Variants in SRRM3 observed in about 807,000 individuals in gnomAD.
SRRM3 encodes serine/arginine repetitive matrix 3.
Under a neutral mutation model 66.2 loss-of-function variants are expected in SRRM3, and 27 were observed. The observed-to-expected ratio is 0.41, with a 90% CI of 0.30 to 0.56. SRRM3 has a LOEUF of 0.56. Ranked by LOEUF, SRRM3 falls within the 20% of genes least tolerant of loss-of-function variation. The probability of loss-of-function intolerance (pLI) is 0.32; values close to 1 mark genes in which losing one functional copy is unlikely to be tolerated. For synonymous variants in SRRM3, 391 were observed against 414.9 expected (o/e 0.94, Z 0.70); for missense variants, 918 against 991.9 (o/e 0.93, Z 1.00).
At chr7:76,271,821 C>T (rs572957855) in intron 11 of SRRM3, among the ~76,000 whole-genome samples, 1 of 152,290 alleles carries the variant, frequency 6.6e-6, no homozygotes, top group East Asian at 1.9e-4. Flanking sequence ...CCATCAGACC[C>T]ATCCAGAAAT....
rs149830450 is a variant in SRRM3 at position 76,256,364 on chromosome 7, G to A, written c.336-3542G>A. Among the ~76,000 whole-genome samples, 924 of 152,032 alleles carry A rather than the reference G, an allele frequency of 6.1e-3. 9 individuals are homozygous for A. The highest frequency in any genetic ancestry group is 0.021 in the African/African-American group (865 of 41,484). On this transcript the variant is annotated intron_variant, in intron 3 of 14. Transcript: ENST00000611745. The stretch of plus-strand genomic sequence containing the variant: ...TCTACTAAAAATACAAAAATTGGCC[G>A]GGCGTGGTGGCAGGTGCCTATAATC...
chr7:76,214,015 T>C (rs1358712852), intron 1 of SRRM3, among the ~76,000 whole-genome samples: 3 of 151,858 alleles, frequency 2.0e-5, no homozygotes, highest in East Asian at 1.9e-4. Flanking sequence ...CTGGACTAAG[T>C]GATCCTTCCA....
At chr7:76,212,187 G>T (rs1267827873) in intron 1 of SRRM3, among the ~76,000 whole-genome samples, 4 of 141,322 alleles carry the variant, frequency 2.8e-5, no homozygotes, top group African/African-American at 1.1e-4. Context: ...TTTTGACAGG[G>T]TCTCAAACTG....
chr7:76,230,387 T>C (rs1433630941), intron 1 of SRRM3, among the ~76,000 whole-genome samples: 1 of 152,078 alleles, frequency 6.6e-6, no homozygotes, highest in African/African-American at 2.4e-5. Context: ...CAGTGACTCA[T>C]GCCCGTAATC....
chr7:76,274,922 A>G (rs1013918258), intron 11 of SRRM3, among the ~76,000 whole-genome samples: 2 of 152,142 alleles, frequency 1.3e-5, no homozygotes, highest in Non-Finnish European at 2.9e-5. Context: ...CCTGGCCAAC[A>G]TGGCAAAACC....
intron 1 of SRRM3, among the ~76,000 whole-genome samples, chr7:76,221,776 T>C (rs1800728529): frequency 6.6e-6 from 1 of 152,204 alleles, no homozygotes; most frequent in Admixed American, 6.5e-5. Context: ...ATGGTAATTA[T>C]TGACCTGATC....
intron 1 of SRRM3, among the ~76,000 whole-genome samples, chr7:76,227,595 A>C (rs1800907386): frequency 6.6e-6 from 1 of 152,194 alleles, no homozygotes; most frequent in Non-Finnish European, 1.5e-5. Context: ...TGACGAACCA[A>C]GCAGGGCTAC....
chr7:76,205,826 C>T (rs373400686), intron 1 of SRRM3, among the ~76,000 whole-genome samples: 1 of 152,204 alleles, frequency 6.6e-6, no homozygotes, highest in African/African-American at 2.4e-5. Context: ...CTGTAAGTGA[C>T]TTGGGACAGG....
intron 5 of SRRM3, among the ~76,000 whole-genome samples, chr7:76,260,628 C>T (rs1191210138): frequency 6.6e-6 from 1 of 151,842 alleles, no homozygotes; most frequent in Non-Finnish European, 1.5e-5. Context: ...CTGAATCCCC[C>T]AGAGCCAGAC....
chr7:76,283,520 C>T (rs1554612329), intron 14 of SRRM3: 1 of 450,896 alleles, frequency 2.2e-6, no homozygotes, highest in Non-Finnish European at 4.4e-6. Context: ...TCCTTCATCT[C>T]AAGGTCCAGC....
intron 1 of SRRM3, among the ~76,000 whole-genome samples, chr7:76,204,897 A>AC (rs1275693759): frequency 6.6e-6 from 1 of 152,038 alleles, no homozygotes; most frequent in Admixed American, 6.6e-5. Context: ...ACATAGTGAG[A>AC]CCCCATCTCT....
intron 8 of SRRM3, among the ~76,000 whole-genome samples, chr7:76,263,219 T>A (rs534051424): frequency 2.6e-5 from 4 of 152,174 alleles, no homozygotes; most frequent in Non-Finnish European, 4.4e-5. Context: ...CAACTTCCAA[T>A]GGGGAGACTG....
chr7:76,271,699 A>C (rs1554610541), intron 11 of SRRM3, among the ~76,000 whole-genome samples: 6 of 152,162 alleles, frequency 3.9e-5, no homozygotes, highest in Non-Finnish European at 1.5e-5. Flanking sequence ...TCTGACCTCT[A>C]GACTCCAGCT....
At chr7:76,231,859 C>T (rs2116988207) in intron 1 of SRRM3, among the ~76,000 whole-genome samples, 1 of 151,986 alleles carries the variant, frequency 6.6e-6, no homozygotes, top group Non-Finnish European at 1.5e-5. Flanking sequence ...GTTGAAGTTC[C>T]CTAGGTGAAG....
intron 1 of SRRM3, among the ~76,000 whole-genome samples, chr7:76,218,925 G>C (rs1800642284): frequency 6.6e-6 from 1 of 152,026 alleles, no homozygotes; most frequent in South Asian, 2.1e-4. Context: ...CGTGATCTTG[G>C]CTCATTGCCA....
intron 1 of SRRM3, 31 bp from the exon 2 acceptor site, chr7:76,234,997 A>G (rs1554604612): frequency 7.5e-7 from 1 of 1,334,228 alleles, no homozygotes; most frequent in Non-Finnish European, 1.0e-6. Context: ...AGAAGTGACC[A>G]TCCCGCCTCG....
At chr7:76,252,411 T>C (rs1003133608) in intron 3 of SRRM3, among the ~76,000 whole-genome samples, 2 of 152,178 alleles carry the variant, frequency 1.3e-5, no homozygotes, top group African/African-American at 4.8e-5. Context: ...AACCTACGCT[T>C]CCCGGGTTCA....
At chr7:76,227,434 C>T (rs536413408) in intron 1 of SRRM3, among the ~76,000 whole-genome samples, 7 of 152,270 alleles carry the variant, frequency 4.6e-5, no homozygotes, top group South Asian at 2.1e-4. Flanking sequence ...GCCAGAGACC[C>T]GGTGTCATCT....
At chr7:76,280,949 T>G (rs1554611772) in intron 11 of SRRM3, among the ~76,000 whole-genome samples, 1 of 100,128 alleles carries the variant, frequency 1.0e-5, no homozygotes, top group Non-Finnish European at 2.0e-5. Flanking sequence ...CCCACCCCCG[T>G]CTCTCCTCTG....
Sources: gnomAD v4.1 joint callset for allele counts (sites outside exome capture counted in the v4.1 genomes callset) on GRCh38, gnomAD v4.1.1 for gene constraint, MANE v1.5 for transcripts, NCBI Gene and HGNC (gene_info 2026-07-23, HGNC 2026-07-21) for gene names.